Variants in ANKRD44 observed in about 807,000 individuals in gnomAD.
ANKRD44 encodes the protein serine/threonine-protein phosphatase 6 regulatory ankyrin repeat subunit B.
ANKRD44 carries 35 observed loss-of-function variants against 116.0 expected under a neutral mutation model. The ratio of observed to expected loss-of-function variants is 0.30; its 90% CI spans 0.23 to 0.40. The LOEUF is 0.40. Among genes scored for constraint, ANKRD44 ranks in the 10% least tolerant of loss-of-function variants. ANKRD44 has a pLI of 1.00. For missense variants in ANKRD44, 1,014 were observed against 1,242.6 expected, an observed-to-expected ratio of 0.82 and a Z score of 2.77; for synonymous variants, 435 against 461.8, an observed-to-expected ratio of 0.94 and a Z score of 0.74.
intron 1 of ANKRD44, among the ~76,000 whole-genome samples, chr2:197,247,338 T>C (rs988703117): frequency 2.6e-5 from 4 of 152,092 alleles, no homozygotes; most frequent in South Asian, 2.1e-4. Context: ...ACAAGTCACA[T>C]TGGGTGGGGT....
intron 1 of ANKRD44, among the ~76,000 whole-genome samples, chr2:197,216,128 G>T (rs904625482): frequency 1.3e-5 from 2 of 152,304 alleles, no homozygotes; most frequent in Admixed American, 1.3e-4. Context: ...TCTTCTGGAG[G>T]CTTGTGAGGA....
At chr2:197,306,757 A>G (rs567748596) in intron 1 of ANKRD44, among the ~76,000 whole-genome samples, 18 of 152,280 alleles carry the variant, frequency 1.2e-4, no homozygotes, top group Admixed American at 9.8e-4. Context: ...GTCTCTTGCC[A>G]CTGCCACCGC....
At chr2:197,038,300 A>G (rs1439763469) in intron 16 of ANKRD44, among the ~76,000 whole-genome samples, 2 of 149,080 alleles carry the variant, frequency 1.3e-5, no homozygotes, top group Non-Finnish European at 3.0e-5. Flanking sequence ...CTTCTATCCA[A>G]TTTGCTGTAA....
chr2:197,131,983 C>T lies in ANKRD44; in HGVS notation c.261+4609G>A, dbSNP rs145438041. Among the ~76,000 whole-genome samples the T allele has an allele frequency of 4.1e-4, 62 of 152,334 alleles. No individual in the cohort carries two copies. The East Asian group carries it at 0.011, about 27-fold the overall frequency. On this transcript the variant is annotated intron_variant, in intron 4 of 27. Coordinates refer to ENST00000282272, the MANE Select transcript of ANKRD44 (RefSeq NM_001195144.2). ...TGAAATAGGCTTCACATGAACACTT[C>T]AGAATATTCCCACTGGCAGCCCCAA...
At chr2:196,974,541 T>C (rs2075743017) in intron 21 of ANKRD44, among the ~76,000 whole-genome samples, 1 of 152,134 alleles carries the variant, frequency 6.6e-6, no homozygotes, top group Non-Finnish European at 1.5e-5. Flanking sequence ...TGTAAACACC[T>C]ATATTTAAAA....
At chr2:197,278,372 G>C (rs1160792930) in intron 1 of ANKRD44, among the ~76,000 whole-genome samples, 1 of 151,706 alleles carries the variant, frequency 6.6e-6, no homozygotes, top group Non-Finnish European at 1.5e-5. Flanking sequence ...TGTTTGTTTT[G>C]TTTTGACAGA....
rs917882114 is a variant in ANKRD44, at chr2:196,987,322, T to A, written c.*2269A>T. 1.1e-5 allele frequency: 11 copies of A among 985,280 alleles called. No individual in the cohort carries two copies. Among genetic ancestry groups the A allele is most frequent in the Non-Finnish European group, 1.3e-5 (11 of 829,814 alleles). The allele number at this position is 985,280 out of a possible 1,614,324, so 61.0% of individuals were successfully genotyped here. ...GACACTTTATACATTCAAAGAAAAG[T>A]TGAAATGAAAACTCACTGGTATCAT... On this transcript the variant is annotated 3_prime_UTR_variant, in exon 28 of 28. Coordinates refer to ENST00000282272, the MANE Select transcript of ANKRD44 (RefSeq NM_001195144.2).
chr2:197,076,996 A>G (rs1452004162), intron 16 of ANKRD44, among the ~76,000 whole-genome samples: 1 of 152,188 alleles, frequency 6.6e-6, no homozygotes. Context: ...GGTTAGAATG[A>G]TTTATATTCC....
chr2:197,176,358 A>C (rs979312193), intron 2 of ANKRD44, among the ~76,000 whole-genome samples: 7 of 152,198 alleles, frequency 4.6e-5, no homozygotes, highest in African/African-American at 1.7e-4. Flanking sequence ...ATATACATAC[A>C]TCATCTCATC....
intron 9 of ANKRD44, among the ~76,000 whole-genome samples, chr2:197,104,936 A>C (rs1288378292): frequency 6.6e-6 from 1 of 152,184 alleles, no homozygotes; most frequent in Non-Finnish European, 1.5e-5. Flanking sequence ...TTGAAAATCA[A>C]CTTGCTGCCA....
At chr2:196,992,595 T>G (rs148775855) in intron 27 of ANKRD44, 1 of 152,490 alleles carries the variant, frequency 6.6e-6, no homozygotes, top group African/African-American at 2.4e-5. Context: ...TCTACAGTAG[T>G]GTTAAGAGGG....
At chr2:197,244,524 C>A (rs2082150234) in intron 1 of ANKRD44, among the ~76,000 whole-genome samples, 2 of 152,148 alleles carry the variant, frequency 1.3e-5, no homozygotes, top group African/African-American at 4.8e-5. Context: ...TTTATGGTCA[C>A]CAACCACATG....
chr2:197,215,021 G>A (rs888516103), intron 1 of ANKRD44, among the ~76,000 whole-genome samples: 2 of 152,036 alleles, frequency 1.3e-5, no homozygotes, highest in Admixed American at 6.6e-5. Flanking sequence ...GGGATTATAC[G>A]CACACCACCA....
intron 1 of ANKRD44, among the ~76,000 whole-genome samples, chr2:197,292,190 A>G (rs995954476): frequency 6.6e-6 from 1 of 152,228 alleles, no homozygotes; most frequent in Non-Finnish European, 1.5e-5. Context: ...ATATATACCC[A>G]GTAATGGGAT....
At chr2:197,112,717 A>AG (rs1200335090) in intron 8 of ANKRD44, among the ~76,000 whole-genome samples, 1 of 147,780 alleles carries the variant, frequency 6.8e-6, no homozygotes, top group Non-Finnish European at 1.5e-5. Context: ...CAAAAAAAAA[A>AG]AAAAAGAAAA....
chr2:196,978,298 C>G (rs1336403434), intron 21 of ANKRD44, among the ~76,000 whole-genome samples: 2 of 152,140 alleles, frequency 1.3e-5, no homozygotes, highest in Non-Finnish European at 2.9e-5. Context: ...TCACCTTCCA[C>G]CATGATTGGA....
At chr2:197,025,054 A>C (rs1255093311) in intron 17 of ANKRD44, 142 bp downstream of exon 17, 10 of 730,702 alleles carry the variant, frequency 1.4e-5, no homozygotes, top group Non-Finnish European at 2.3e-5. Context: ...GTCTGTCTCC[A>C]CAGCCTGTGC....
Position 197,013,535 on chromosome 2 carries a change from T to C in ANKRD44, c.1900A>G (p.Lys634Glu), listed in dbSNP as rs747514646. Residue 634 changes from lysine (K) to glutamate (E), a missense_variant, in exon 18 of 28, where the codon AAA becomes GAA. Physicochemically the swap from Lys to Glu is moderately conservative, Grantham distance 56. Coordinates refer to ENST00000282272, the MANE Select transcript of ANKRD44 (RefSeq NM_001195144.2). ...CCTGAGGCATGAAGTGGGGTTCTTT[T>C]GGTTACATTGTCTTTCACAAAGATG... ...ASIFVKDNVT[K>E]RTPLHASVIN... 2 of 1,614,240 alleles carry C rather than the reference T, an allele frequency of 1.2e-6. No homozygotes were observed. Among genetic ancestry groups the C allele is most frequent in the East Asian group, 2.2e-5 (1 of 44,888 alleles).
intron 16 of ANKRD44, among the ~76,000 whole-genome samples, chr2:197,039,765 G>A (rs72924606): frequency 0.021 from 3,134 of 151,366 alleles, 54 homozygotes; most frequent in Middle Eastern, 0.048. Flanking sequence ...AAAGGTCTAT[G>A]TTAATCAGCC....
Sources: allele counts gnomAD v4.1 joint callset (sites outside exome capture counted in the v4.1 genomes callset), GRCh38; gene constraint gnomAD v4.1.1; transcripts MANE v1.5; gene names NCBI Gene and HGNC (gene_info 2026-07-23, HGNC 2026-07-21).